Variants in RFX3 observed in about 807,000 individuals in gnomAD.
The protein encoded by RFX3 is regulatory factor X3, also known as transcription factor RFX3.
In RFX3, 14 loss-of-function variants were observed where a neutral mutation model predicts 98.6. The observed-to-expected ratio is 0.14, with a 90% confidence interval of 0.09 to 0.22. The LOEUF (loss-of-function observed/expected upper bound fraction) is 0.22, where lower values mean the gene tolerates loss of function less well. Among genes scored for constraint, RFX3 ranks in the 10% least tolerant of loss-of-function variants. The probability of loss-of-function intolerance (pLI) is 1.00; values close to 1 mark genes in which losing one functional copy is unlikely to be tolerated. For missense variants in RFX3, 639 were observed against 926.9 expected (o/e 0.69, Z 4.03); for synonymous variants, 383 against 328.4 (o/e 1.17, Z -1.80).
At chr9:3,483,256 G>C (rs1181636297) in intron 1 of RFX3, among the ~76,000 whole-genome samples, 2 of 152,126 alleles carry the variant, frequency 1.3e-5, no homozygotes, top group Admixed American at 1.3e-4. Flanking sequence ...GATGCAGGGA[G>C]GGGAGTGATT....
intron 6 of RFX3, 79 bp downstream of exon 6, chr9:3,292,998 C>G: frequency 8.7e-7 from 1 of 1,151,704 alleles, no homozygotes; most frequent in South Asian, 1.6e-5. Flanking sequence ...TAATCAAGTA[C>G]TTTTGTTTAA....
At chr9:3,481,813 T>C (rs1442960529) in intron 1 of RFX3, among the ~76,000 whole-genome samples, 2 of 152,046 alleles carry the variant, frequency 1.3e-5, no homozygotes, top group African/African-American at 4.8e-5. Context: ...TCATTAGTTA[T>C]TGAAGAAATG....
chr9:3,407,651 G>A (rs1341862237), intron 1 of RFX3, among the ~76,000 whole-genome samples: 1 of 152,048 alleles, frequency 6.6e-6, no homozygotes, highest in Non-Finnish European at 1.5e-5. Context: ...ATGTAGTCCT[G>A]TCTAGAGTCT....
At chr9:3,402,447 T>C (rs1406409822) in intron 1 of RFX3, among the ~76,000 whole-genome samples, 1 of 152,126 alleles carries the variant, frequency 6.6e-6, no homozygotes, top group Non-Finnish European at 1.5e-5. Flanking sequence ...ATTATTATGA[T>C]AGTTACTTAA....
At chr9:3,337,030 T>G (rs1262615216) in intron 3 of RFX3, among the ~76,000 whole-genome samples, 1 of 152,170 alleles carries the variant, frequency 6.6e-6, no homozygotes, top group Non-Finnish European at 1.5e-5. Flanking sequence ...TACAGACTAT[T>G]GTAAGAAGTT....
chr9:3,309,789 A>G (rs1284850017), intron 4 of RFX3, among the ~76,000 whole-genome samples: 1 of 152,192 alleles, frequency 6.6e-6, no homozygotes, highest in African/African-American at 2.4e-5. Context: ...TCCCTATTTT[A>G]AGTCCCCATT....
intron 1 of RFX3, among the ~76,000 whole-genome samples, chr9:3,425,994 G>A (rs1053013459): frequency 6.6e-6 from 1 of 151,964 alleles, no homozygotes; most frequent in Non-Finnish European, 1.5e-5. Context: ...ATACACAGTA[G>A]AATTTATTAA....
At chr9:3,332,816 C>T (rs1242233388) in intron 3 of RFX3, among the ~76,000 whole-genome samples, 1 of 152,166 alleles carries the variant, frequency 6.6e-6, no homozygotes, top group African/African-American at 2.4e-5. Context: ...CTTTCTGCTT[C>T]ACTACATAAG....
In RFX3 at chr9:3,479,262, T is replaced by C. The variant is rs10972198; in HGVS notation, c.-9+46485A>G. Reference sequence around the variant, plus strand: ...TGGCTGATTTTCATTATTTTACCCATATTTTTGTTGTTGTATAGGCAGCAC... The same window carrying C: ...TGGCTGATTTTCATTATTTTACCCACATTTTTGTTGTTGTATAGGCAGCAC... On this transcript the variant is annotated intron_variant, in intron 1 of 16. Transcript: ENST00000617270. 4.6e-3 allele frequency among the ~76,000 whole-genome samples: 704 copies of C among 152,294 alleles called. 9 individuals carry two copies. The highest frequency in any genetic ancestry group is 0.026 in the Admixed American group (401 of 15,286).
At chr9:3,344,078 C>G (rs1459007456) in intron 3 of RFX3, among the ~76,000 whole-genome samples, 2 of 151,974 alleles carry the variant, frequency 1.3e-5, no homozygotes, top group East Asian at 1.9e-4. Flanking sequence ...TGTGGAAGAC[C>G]CTAATATCAG....
intron 4 of RFX3, among the ~76,000 whole-genome samples, chr9:3,315,641 GAAGAA>G: frequency 6.6e-6 from 1 of 152,136 alleles, no homozygotes; most frequent in East Asian, 1.9e-4. Flanking sequence ...GACTAATAAA[GAAGAA>G]AAGAGACAAG....
intron 2 of RFX3, among the ~76,000 whole-genome samples, chr9:3,366,989 A>G (rs1312827345): frequency 6.6e-6 from 1 of 152,112 alleles, no homozygotes; most frequent in Non-Finnish European, 1.5e-5. Context: ...GGCTATGAGT[A>G]AAGTATTATG....
intron 5 of RFX3, among the ~76,000 whole-genome samples, chr9:3,299,617 A>G (rs895636991): frequency 1.3e-5 from 2 of 151,574 alleles, no homozygotes; most frequent in East Asian, 1.9e-4. Context: ...TGTTAGCAGT[A>G]TGGAAGATCA....
chr9:3,375,614 A>G (rs1054263546), intron 2 of RFX3, among the ~76,000 whole-genome samples: 6 of 152,188 alleles, frequency 3.9e-5, no homozygotes, highest in African/African-American at 1.4e-4. Context: ...TTAAGTTACA[A>G]TTTTAAAAGG....
chr9:3,480,673 G>C (rs554523645), intron 1 of RFX3, among the ~76,000 whole-genome samples: 1 of 152,132 alleles, frequency 6.6e-6, no homozygotes, highest in Non-Finnish European at 1.5e-5. Flanking sequence ...GTCAATCTAC[G>C]TTCACCAGGA....
chr9:3,295,213 G>GTT (rs371119901), intron 5 of RFX3, among the ~76,000 whole-genome samples: 3 of 148,326 alleles, frequency 2.0e-5, no homozygotes, highest in African/African-American at 4.9e-5. Context: ...TCTCTTTAGT[G>GTT]TTTTTTTTTT....
intron 1 of RFX3, among the ~76,000 whole-genome samples, chr9:3,450,316 C>A: frequency 6.6e-6 from 1 of 152,098 alleles, no homozygotes; most frequent in East Asian, 1.9e-4. Context: ...GGGAACGTCT[C>A]TTTAAAACAA....
chr9:3,401,182 C>A (rs187822607), intron 1 of RFX3, among the ~76,000 whole-genome samples: 1 of 152,298 alleles, frequency 6.6e-6, no homozygotes, highest in Non-Finnish European at 1.5e-5. Context: ...TTTCCAGAGG[C>A]ATTTTTAGTG....
intron 4 of RFX3, among the ~76,000 whole-genome samples, chr9:3,303,357 C>T (rs543890712): frequency 6.6e-6 from 1 of 151,450 alleles, no homozygotes; most frequent in Non-Finnish European, 1.5e-5. Flanking sequence ...GAGCAGAAAA[C>T]AAGTCAAAGG....
Sources: allele counts gnomAD v4.1 joint callset (sites outside exome capture counted in the v4.1 genomes callset), GRCh38; gene constraint gnomAD v4.1.1; transcripts MANE v1.5; gene names NCBI Gene and HGNC (gene_info 2026-07-23, HGNC 2026-07-21).